Variants in LAMA2 observed in about 807,000 individuals in gnomAD.
The protein encoded by LAMA2 is laminin subunit alpha 2.
A neutral mutation model predicts 364.8 loss-of-function variants in LAMA2; 269 were observed. That is an observed-to-expected ratio of 0.74 (90% CI 0.67 to 0.82). The LOEUF (loss-of-function observed/expected upper bound fraction) is 0.82. LAMA2 is among the 40% of genes least tolerant of loss of function. LAMA2 has a pLI of 0.00. For synonymous variants in LAMA2, 1,379 were observed against 1,370.6 expected (o/e 1.01, Z -0.14); for missense variants, 3,807 against 3,873.2 (o/e 0.98, Z 0.45).
At chr6:129,510,149 C>T (rs945812217) in intron 62 of LAMA2, among the ~76,000 whole-genome samples, 5 of 152,034 alleles carry the variant, frequency 3.3e-5, no homozygotes, top group Admixed American at 6.6e-5. Context: ...AAAAAGTAAA[C>T]GGCATCCAAG....
intron 1 of LAMA2, among the ~76,000 whole-genome samples, chr6:129,037,169 A>C (rs1786699805): frequency 6.6e-6 from 1 of 152,194 alleles, no homozygotes; most frequent in Non-Finnish European, 1.5e-5. Flanking sequence ...ATATTTTTCA[A>C]AATGCTCCAT....
chr6:129,264,603 A>G (rs1271825662), intron 15 of LAMA2, among the ~76,000 whole-genome samples: 6 of 152,180 alleles, frequency 3.9e-5, no homozygotes, highest in Admixed American at 2.6e-4. Context: ...AGAGAAAAAT[A>G]GCCCAGCCCA....
rs750812143 is a variant in LAMA2, at chr6:129,402,440, T to C, written c.5679T>C (p.Ala1893=). The change falls in exon 39 of 65, where the codon GCT becomes GCC. Residue 1893 remains alanine (A), a synonymous_variant. Transcript: ENST00000421865. ...AGCTTGCTGAGAAGGTGTCCCAGGC[T>C]GAGAGCCACGCAGCTCAGTTGAATG... ...DRKLAEKVSQ[A]ESHAAQLNDS... The C allele has an allele frequency of 7.2e-5, 117 of 1,614,042 alleles. No individual in the cohort carries two copies. The highest frequency in any genetic ancestry group is 9.4e-5 in the Non-Finnish European group (111 of 1,180,036).
chr6:129,352,670 G>A (rs1246588395), intron 31 of LAMA2, among the ~76,000 whole-genome samples: 1 of 152,130 alleles, frequency 6.6e-6, no homozygotes, highest in Non-Finnish European at 1.5e-5. Flanking sequence ...TAACAAAAAA[G>A]TTTATGATCT....
chr6:129,094,151 C>T (rs1265599329), intron 3 of LAMA2, among the ~76,000 whole-genome samples: 1 of 152,132 alleles, frequency 6.6e-6, no homozygotes, highest in Non-Finnish European at 1.5e-5. Context: ...GTTACAGTTA[C>T]TCTCTGAAGC....
intron 1 of LAMA2, among the ~76,000 whole-genome samples, chr6:128,907,560 T>A (rs1454055537): frequency 6.6e-6 from 1 of 152,220 alleles, no homozygotes; most frequent in African/African-American, 2.4e-5. Context: ...TTTCTAGATA[T>A]ACAATCATGT....
intron 4 of LAMA2, among the ~76,000 whole-genome samples, chr6:129,115,142 A>G (rs1776395762): frequency 6.6e-6 from 1 of 152,072 alleles, no homozygotes; most frequent in African/African-American, 2.4e-5. Flanking sequence ...TTACAGAGAC[A>G]CCAGAATGTT....
intron 1 of LAMA2, among the ~76,000 whole-genome samples, chr6:128,885,244 T>G (rs1776079964): frequency 6.6e-6 from 1 of 152,222 alleles, no homozygotes; most frequent in Non-Finnish European, 1.5e-5. Flanking sequence ...GACTTAAACC[T>G]GTTAATGTTG....
At chr6:129,397,861 T>C (rs903401648) in intron 37 of LAMA2, among the ~76,000 whole-genome samples, 9 of 145,852 alleles carry the variant, frequency 6.2e-5, no homozygotes, top group East Asian at 2.0e-4. Context: ...GGTGTGAACC[T>C]GGGAGGCAGA....
chr6:128,900,952 G>C (rs566491110), intron 1 of LAMA2, among the ~76,000 whole-genome samples: 2 of 152,304 alleles, frequency 1.3e-5, no homozygotes, highest in East Asian at 3.9e-4. Context: ...AGGAGTTCAA[G>C]ACCAGCTTAG....
At chr6:128,942,038 G>A (rs1780193024) in intron 1 of LAMA2, among the ~76,000 whole-genome samples, 1 of 152,144 alleles carries the variant, frequency 6.6e-6, no homozygotes, top group Non-Finnish European at 1.5e-5. Flanking sequence ...ATTAAAACAA[G>A]CTCAGAAAAC....
chr6:129,371,488 C>G (rs901758862), intron 34 of LAMA2, among the ~76,000 whole-genome samples: 11 of 151,986 alleles, frequency 7.2e-5, no homozygotes, highest in African/African-American at 2.7e-4. Context: ...TTTTGGGAGT[C>G]TCTCATGTTC....
intron 31 of LAMA2, among the ~76,000 whole-genome samples, chr6:129,351,914 T>C (rs1776873097): frequency 2.0e-5 from 3 of 152,202 alleles, no homozygotes; most frequent in Admixed American, 2.0e-4. Context: ...TTCTTCATGT[T>C]TTGCCTTTTC....
chr6:129,350,701 A>G (rs566281460), intron 31 of LAMA2, among the ~76,000 whole-genome samples: 4 of 152,302 alleles, frequency 2.6e-5, no homozygotes, highest in African/African-American at 9.6e-5. Flanking sequence ...CTTCTTTGTA[A>G]ATATAAACTA....
intron 1 of LAMA2, among the ~76,000 whole-genome samples, chr6:128,883,799 TATACACACACAC>T (rs1275196561): frequency 2.6e-3 from 348 of 135,436 alleles, no homozygotes; most frequent in African/African-American, 8.9e-3. Context: ...TATATATATA[TATACACACACAC>T]ACACACACAC....
intron 30 of LAMA2, among the ~76,000 whole-genome samples, chr6:129,345,934 C>T (rs1379681282): frequency 5.9e-5 from 9 of 151,986 alleles, no homozygotes; most frequent in Admixed American, 5.9e-4. Flanking sequence ...GCACTTCTCC[C>T]CAAGACATAA....
intron 35 of LAMA2, among the ~76,000 whole-genome samples, chr6:129,384,577 A>T (rs1778871579): frequency 6.6e-6 from 1 of 152,190 alleles, no homozygotes; most frequent in Non-Finnish European, 1.5e-5. Context: ...CCAAAGAGAG[A>T]TGCATATTCA....
chr6:129,198,446 T>C (rs1781978423), intron 12 of LAMA2, among the ~76,000 whole-genome samples: 1 of 152,140 alleles, frequency 6.6e-6, no homozygotes, highest in Non-Finnish European at 1.5e-5. Context: ...TGCAAGGCAT[T>C]GATCTTTGGA....
chr6:129,046,253 G>T (rs756424571), intron 1 of LAMA2, among the ~76,000 whole-genome samples: 72 of 152,228 alleles, frequency 4.7e-4, no homozygotes, highest in Non-Finnish European at 8.2e-4. Context: ...ATATGTAAGT[G>T]CACCATTGTA....
Sources: allele counts gnomAD v4.1 joint callset (sites outside exome capture counted in the v4.1 genomes callset), GRCh38; gene constraint gnomAD v4.1.1; transcripts MANE v1.5; gene names NCBI Gene and HGNC (gene_info 2026-07-23, HGNC 2026-07-21).